HTT: variants seen among roughly 807,000 people sequenced by gnomAD.
The protein encoded by HTT is huntington disease protein.
In HTT, 104 loss-of-function variants were observed where a neutral mutation model predicts 362.3. The observed-to-expected ratio is 0.29, with a 90% confidence interval of 0.24 to 0.34. HTT has a LOEUF of 0.34. Ranked by LOEUF, HTT falls within the 10% of genes least tolerant of loss-of-function variation. The pLI is 1.00. For missense variants in HTT, 3,301 were observed against 3,928.6 expected, an observed-to-expected ratio of 0.84 and a Z score of 4.27; for synonymous variants, 1,577 against 1,548.7, an observed-to-expected ratio of 1.02 and a Z score of -0.43.
intron 26 of HTT, among the ~76,000 whole-genome samples, chr4:3,148,969 A>G (rs1716747669): frequency 6.6e-6 from 1 of 152,230 alleles, no homozygotes; most frequent in Admixed American, 6.5e-5. Context: ...AGAAGAAAAA[A>G]ATGTGACCAT....
At chr4:3,235,841 G>A (rs750828250) in intron 63 of HTT, 63 bp downstream of exon 63, 201 of 1,299,744 alleles carry the variant, frequency 1.5e-4, no homozygotes, top group Non-Finnish European at 2.1e-4. Context: ...GCAGGAGCAT[G>A]CTCACTCAAG....
chr4:3,076,335 C>A (rs28564368), intron 1 of HTT, among the ~76,000 whole-genome samples: 12,476 of 152,108 alleles, frequency 0.082, 1,039 homozygotes, highest in African/African-American at 0.21. Context: ...CTGGATGTGT[C>A]CCAGATGGCA....
intron 1 of HTT, among the ~76,000 whole-genome samples, chr4:3,076,111 A>G (rs1183811902): frequency 6.6e-6 from 1 of 152,084 alleles, no homozygotes; most frequent in East Asian, 1.9e-4. Context: ...TGTTTGCTTC[A>G]TTGCTGACAG....
chr4:3,107,166 C>T lies in HTT; in HGVS notation c.609-119C>T. On this transcript the variant is annotated intron_variant, in intron 5 of 66. Transcript: ENST00000355072. ...CTCCTGTTCTTTCAGCTGAGTTTTC[C>T]CCATCCCATTAGGGACTGTTGGAAT... The T allele has an allele frequency of 5.1e-6, 5 of 972,474 alleles. No homozygotes were observed. In the South Asian group the frequency reaches 8.5e-5, roughly 16 times the overall value. The allele number at this position is 972,474 out of a possible 1,614,324, so 60.2% of individuals were successfully genotyped here. A position where few individuals can be genotyped will look rare whatever the true frequency, so the allele number is the denominator to read the frequency against.
chr4:3,190,740 A>T (rs573836036), intron 40 of HTT, among the ~76,000 whole-genome samples: 1 of 152,302 alleles, frequency 6.6e-6, no homozygotes, highest in South Asian at 2.1e-4. Flanking sequence ...AAGTCATAAG[A>T]TGCCAGCTGT....
intron 4 of HTT, among the ~76,000 whole-genome samples, chr4:3,104,091 A>G (rs998876922): frequency 6.6e-6 from 1 of 152,046 alleles, no homozygotes; most frequent in Non-Finnish European, 1.5e-5. Context: ...ATCCAGTTAC[A>G]TGCTTTACTT....
intron 29 of HTT, among the ~76,000 whole-genome samples, chr4:3,163,678 A>G (rs1476204385): frequency 6.6e-6 from 1 of 152,176 alleles, no homozygotes; most frequent in African/African-American, 2.4e-5. Context: ...GAATTTATCC[A>G]TTTCTTCTAG....
At position 3,174,731 on chromosome 4, in the gene HTT, G is replaced by A. The variant is rs1718152022; in HGVS notation, c.4177G>A (p.Val1393Ile). 6.2e-7 allele frequency: 1 copy of A among 1,613,334 alleles called. No individual in the cohort carries two copies. The highest frequency in any genetic ancestry group is 2.2e-5 in the East Asian group (1 of 44,888). ...QENDTSGWFD[V>I]LQKVSTQLKT... Reference sequence around the variant, plus strand: ...ATTCCCATTTGGCAGATGGTTTGATGTCCTCCAGAAAGTGTCTACCCAGTT... The same window carrying A: ...ATTCCCATTTGGCAGATGGTTTGATATCCTCCAGAAAGTGTCTACCCAGTT... The change falls in exon 32 of 67, where the codon GTC becomes ATC. Residue 1393 changes from valine (V) to isoleucine (I), a missense_variant. Val to Ile is a conservative substitution (Grantham distance 29, BLOSUM62 3). This residue lies in a region of HTT where 2,316 missense variants were observed against 2,658.5 expected (regional missense o/e 0.87). Transcript: ENST00000355072.
chr4:3,121,392 T>C lies in HTT; in HGVS notation c.1233T>C (p.Ser411=). 1.2e-6 allele frequency: 2 copies of C among 1,614,142 alleles called. No individual in the cohort carries two copies. The highest frequency in any genetic ancestry group is 1.7e-6 in the Non-Finnish European group (2 of 1,179,990). ...AGCTCACCGCTGCTAAGGAGGAGTC[T>C]GGTGGCCGAAGCCGTAGTGGGAGTA... ...IGQLTAAKEE[S]GGRSRSGSIV... Residue 411 remains serine, a synonymous_variant, in exon 9 of 67, where the codon TCT becomes TCC. Transcript: ENST00000355072.
At chr4:3,182,603 A>G (rs1323330048) in intron 37 of HTT, 133 bp downstream of exon 37, 2 of 675,658 alleles carry the variant, frequency 3.0e-6, no homozygotes, top group East Asian at 2.5e-5. Context: ...CGTGCTAGTC[A>G]TGGGACAGCT....
At chr4:3,152,882 A>T (rs1384038375) in intron 26 of HTT, among the ~76,000 whole-genome samples, 1 of 145,530 alleles carries the variant, frequency 6.9e-6, no homozygotes, top group Non-Finnish European at 1.5e-5. Flanking sequence ...CGATCTCCTG[A>T]CTTCATGATC....
At chr4:3,179,641 T>C (rs1438752466) in intron 35 of HTT, among the ~76,000 whole-genome samples, 1 of 151,506 alleles carries the variant, frequency 6.6e-6, no homozygotes, top group East Asian at 1.9e-4. Context: ...AGTGTGCCTG[T>C]GTGTGTGCTT....
At position 3,127,420 on chromosome 4, in the gene HTT, C is replaced by G. The variant is rs1217266926; in HGVS notation, c.1559C>G (p.Ser520Cys). 1 of 1,614,178 alleles carries G rather than the reference C, an allele frequency of 6.2e-7. No individual in the cohort carries two copies. Among genetic ancestry groups the G allele is most frequent in the East Asian group, 2.2e-5 (1 of 44,876 alleles). The part of the protein sequence containing the change: ...VDLASCDLTS[S>C]ATDGDEEDIL... ...CTGGCCAGCTGTGACTTGACAAGCT[C>G]TGCCACTGATGGGGATGAGGAGGAT... The change falls in exon 12 of 67, where the codon TCT becomes TGT. Residue 520 changes from serine to cysteine, a missense_variant. Physicochemically the swap from Ser to Cys is moderately radical, Grantham distance 112 (BLOSUM62 -1). Around this residue, in one of 4 missense-constraint regions of HTT, gnomAD observed 2,316 missense variants for 2,658.5 expected, o/e 0.87. Coordinates refer to ENST00000355072, the MANE Select transcript of HTT (RefSeq NM_001388492.1).
Position 3,206,951 on chromosome 4 carries a change from C to T in HTT, c.6043C>T (p.Arg2015Trp), listed in dbSNP as rs752705093. ...CATGGTCGACATCCTTGCTTGTCGC[C>T]GGGTAGAAATGCTTCTGGCTGCAAA... is the stretch of plus-strand genomic sequence containing the variant. ...ARMVDILACR[R>W]VEMLLAANLQ... is the part of the protein sequence containing the mutation. The change falls in exon 44 of 67, where the codon CGG becomes TGG. Residue 2015 changes from arginine to tryptophan, a missense_variant. Coordinates refer to ENST00000355072, the MANE Select transcript of HTT (RefSeq NM_001388492.1). This position sits in a 1 kb window ranked among gnomAD's most constrained non-coding sequence, Gnocchi z 4.6. 48 of 1,612,606 alleles carry T rather than the reference C, an allele frequency of 3.0e-5. No individual in the cohort carries two copies. Among genetic ancestry groups the T allele is most frequent in the Non-Finnish European group, 3.6e-5 (42 of 1,179,578 alleles).
intron 47 of HTT, among the ~76,000 whole-genome samples, chr4:3,211,611 T>C (rs190060818): frequency 6.6e-5 from 10 of 152,348 alleles, no homozygotes; most frequent in African/African-American, 2.4e-4. Context: ...TTAGCTTTGA[T>C]TTTGTTTTTA....
intron 54 of HTT, among the ~76,000 whole-genome samples, chr4:3,222,851 T>C (rs1486998549): frequency 2.0e-5 from 3 of 152,210 alleles, no homozygotes; most frequent in African/African-American, 4.8e-5. Flanking sequence ...GTTTCATTTT[T>C]CTAATGTCTT....
chr4:3,217,127 G>C (rs907558376), intron 51 of HTT, among the ~76,000 whole-genome samples: 1 of 152,202 alleles, frequency 6.6e-6, no homozygotes, highest in Non-Finnish European at 1.5e-5. Context: ...TGCCCAAACT[G>C]TAGAATCTCG....
At chr4:3,082,108 A>G (rs1164657702) in intron 1 of HTT, among the ~76,000 whole-genome samples, 3 of 151,320 alleles carry the variant, frequency 2.0e-5, no homozygotes, top group African/African-American at 7.4e-5. Context: ...CTGAGATCAC[A>G]TTACATATGT....
chr4:3,207,869 A>T (rs1209554095), intron 45 of HTT, among the ~76,000 whole-genome samples: 1 of 143,400 alleles, frequency 7.0e-6, no homozygotes, highest in African/African-American at 2.5e-5. Context: ...TACATCTCCT[A>T]TGTGAGTGTA....
Sources: gnomAD v4.1 joint callset for allele counts (sites outside exome capture counted in the v4.1 genomes callset) on GRCh38, gnomAD v4.1.1 for gene constraint, gnomAD v4.1.1 regional missense constraint, Gnocchi (gnomAD v3.1) non-coding constraint, MANE v1.5 for transcripts, NCBI Gene and HGNC (gene_info 2026-07-23, HGNC 2026-07-21) for gene names.